Variants in SMIM22 observed in about 807,000 individuals in gnomAD.
The protein encoded by SMIM22 is cancer associated small integral membrane open reading frame 1.
A neutral mutation model predicts 8.4 loss-of-function variants in SMIM22; 16 were observed. That is an observed-to-expected ratio of 1.90 (90% CI 1.29 to 2.89). The LOEUF is 2.89. SMIM22 is among the 30% of genes most tolerant of loss of function. The probability of loss-of-function intolerance (pLI) is 0.00; values close to 1 mark genes in which losing one functional copy is unlikely to be tolerated. For synonymous variants in SMIM22, 67 were observed against 47.6 expected (o/e 1.41, Z -1.68); for missense variants, 159 against 107.5 (o/e 1.48, Z -2.12).
At chr16:4,794,831 T>C (rs1042907215), upstream of SMIM22, 1 of 152,280 alleles carries the variant, frequency 6.6e-6, no homozygotes, top group East Asian at 1.9e-4. Context: ...AGTGGTGGGA[T>C]TACAGGTGTG....
At position 4,795,839 on chromosome 16, in the gene SMIM22, T is replaced by C. The variant is rs1239149786; in HGVS notation, c.105T>C (p.Ile35=). The C allele has an allele frequency of 2.6e-6, 4 of 1,535,876 alleles. No individual in the cohort carries two copies. The South Asian group carries it at 4.8e-5, about 18-fold the overall frequency. ...CCACATGGGACACTGTTGCCTTCATTGTTTTCCTCACCTTCATGGGTAAGT... is the reference window on the plus strand; with the variant it reads ...CCACATGGGACACTGTTGCCTTCATCGTTTTCCTCACCTTCATGGGTAAGT... The part of the protein sequence containing the change: ...FQSTWDTVAF[I]VFLTFMGTVL... Residue 35 remains isoleucine (I), a synonymous_variant, in exon 2 of 4, where the codon ATT becomes ATC. Transcript: ENST00000586005.
Position 4,795,482 on chromosome 16 carries a change from G to T in SMIM22, c.-21+33G>T, listed in dbSNP as rs1310579857. 7 of 539,288 alleles carry T rather than the reference G, an allele frequency of 1.3e-5. 1 individual carries two copies. The highest frequency in any genetic ancestry group is 2.3e-5 in the Non-Finnish European group (7 of 308,260). 33.4% of individuals were successfully genotyped at this position (539,288 alleles called of 1,614,324 possible). A position where few individuals can be genotyped will look rare whatever the true frequency, so the allele number is the denominator to read the frequency against. On this transcript the variant is annotated intron_variant, in intron 1 of 3. Coordinates refer to ENST00000586005, the MANE Select transcript of SMIM22 (RefSeq NM_001253794.2). ...GGGGCCTGGGGGCTGGGCTGCCAGG[G>T]GGAGAGAGAGGGGAGATGACAGTGG...
Position 4,795,424 on chromosome 16 carries a change from T to G in SMIM22, c.-46T>G. On this transcript the variant is annotated 5_prime_UTR_variant, in exon 1 of 4. Coordinates refer to ENST00000586005, the MANE Select transcript of SMIM22 (RefSeq NM_001253794.2). ...CCTGTGCTCCCCAGGACCTGCCTGG[T>G]TGGGGGAATTGGAGGCTTCTAGGAG... 42 of 339,998 alleles carry G rather than the reference T, an allele frequency of 1.2e-4. No homozygotes were observed. The highest frequency in any genetic ancestry group is 4.2e-4 in the East Asian group (6 of 14,308). The allele number at this position is 339,998 out of a possible 1,614,324, so 21.1% of individuals were successfully genotyped here.
upstream of SMIM22, among the ~76,000 whole-genome samples, chr16:4,794,077 A>G (rs1333551996): frequency 6.6e-6 from 1 of 151,286 alleles, no homozygotes; most frequent in Admixed American, 6.6e-5. Context: ...CTGGGATTAC[A>G]GGTGCCCGCC....
chr16:4,794,336 T>C (rs2082599190), upstream of SMIM22, among the ~76,000 whole-genome samples: 1 of 151,942 alleles, frequency 6.6e-6, no homozygotes, highest in Non-Finnish European at 1.5e-5. Context: ...CTTGATCTCC[T>C]GACCTTGTGA....
At chr16:4,794,358 C>T (rs1021362235), upstream of SMIM22, among the ~76,000 whole-genome samples, 9 of 152,002 alleles carry the variant, frequency 5.9e-5, no homozygotes, top group Admixed American at 3.9e-4. Flanking sequence ...CCGCCTGCCT[C>T]GGCCTCCCAA....
rs927012777 is a variant in SMIM22 at position 4,795,383 on chromosome 16, C to T, written c.-87C>T. The T allele has an allele frequency of 3.1e-5, 8 of 260,806 alleles. No individual in the cohort carries two copies. The highest frequency in any genetic ancestry group is 9.2e-5 in the African/African-American group (4 of 43,704). 16.2% of individuals were successfully genotyped at this position (260,806 alleles called of 1,614,324 possible). A position where few individuals can be genotyped will look rare whatever the true frequency, so the allele number is the denominator to read the frequency against. On this transcript the variant is annotated 5_prime_UTR_variant, in exon 1 of 4. Transcript: ENST00000586005. ...GCCAAGGCCTCAGGTGGTGTGGAGC[C>T]GGAAGCAGGAAGCAGCCTGTGCTCC...
Position 4,796,172 on chromosome 16 carries a change from G to C in SMIM22, c.226-18G>C. 6.5e-7 allele frequency: 1 copy of C among 1,535,992 alleles called. No homozygotes were observed. Among genetic ancestry groups the C allele is most frequent in the East Asian group, 2.4e-5 (1 of 40,916 alleles). On this transcript the variant is annotated intron_variant, in intron 3 of 3. Transcript: ENST00000586005. Reference sequence around the variant, plus strand: ...ACAACGAGCGAACCTGCTTGGTCCCGCTGTGCTTCTCGTGCAGGAAAGACC... The same window carrying C: ...ACAACGAGCGAACCTGCTTGGTCCCCCTGTGCTTCTCGTGCAGGAAAGACC...
At chr16:4,794,072 A>AT (rs1234949429), upstream of SMIM22, among the ~76,000 whole-genome samples, 2 of 151,682 alleles carry the variant, frequency 1.3e-5, no homozygotes, top group African/African-American at 4.9e-5. Flanking sequence ...AGTAGCTGGG[A>AT]TTACAGGTGC....
At chr16:4,794,592 G>T (rs2082603377), upstream of SMIM22, among the ~76,000 whole-genome samples, 1 of 151,796 alleles carries the variant, frequency 6.6e-6, no homozygotes, top group South Asian at 2.1e-4. Flanking sequence ...GGCTAATTTT[G>T]TATTTTTAGT....
upstream of SMIM22, among the ~76,000 whole-genome samples, chr16:4,790,974 C>T (rs1005106717): frequency 3.3e-5 from 5 of 152,156 alleles, no homozygotes; most frequent in African/African-American, 1.2e-4. Flanking sequence ...AGCACGGGGG[C>T]CTCTCCCATA....
chr16:4,792,388 C>T (rs1273292053), upstream of SMIM22, among the ~76,000 whole-genome samples: 1 of 149,622 alleles, frequency 6.7e-6, no homozygotes, highest in East Asian at 2.1e-4. Flanking sequence ...GACGGGGTTT[C>T]ACCGTGTTAG....
At chr16:4,790,589 A>C (rs1450024885), upstream of SMIM22, among the ~76,000 whole-genome samples, 1 of 152,160 alleles carries the variant, frequency 6.6e-6, no homozygotes, top group East Asian at 1.9e-4. Context: ...CCGGTTTGAG[A>C]CCAGCCTGGC....
rs908483920 is a variant in SMIM22 at position 4,796,184 on chromosome 16, G to T, written c.226-6G>T. The stretch of plus-strand genomic sequence containing the variant: ...CCTGCTTGGTCCCGCTGTGCTTCTC[G>T]TGCAGGAAAGACCCAAGGGAGTGGA... On this transcript the variant is annotated splice_region_variant and splice_polypyrimidine_tract_variant and intron_variant, in intron 3 of 3. Transcript: ENST00000586005. 2 of 1,535,856 alleles carry T rather than the reference G, an allele frequency of 1.3e-6. No homozygotes were observed. The highest frequency in any genetic ancestry group is 1.7e-6 in the Non-Finnish European group (2 of 1,146,876).
upstream of SMIM22, among the ~76,000 whole-genome samples, chr16:4,794,493 TCAC>T (rs2082601863): frequency 1.3e-5 from 2 of 151,612 alleles, no homozygotes; most frequent in African/African-American, 4.8e-5. Flanking sequence ...TGATCTCGGC[TCAC>T]CACAACCTCT....
intron 2 of SMIM22, chr16:4,789,904 CT>C (rs2082524551): frequency 4.8e-5 from 7 of 146,336 alleles, no homozygotes; most frequent in Non-Finnish European, 1.0e-4. Flanking sequence ...TTTCTCCTTT[CT>C]TTTCTTTCTT....
At position 4,796,013 on chromosome 16, in the gene SMIM22, C is replaced by G. The variant is rs769613371; in HGVS notation, c.190C>G (p.Arg64Gly). 16 of 1,516,124 alleles carry G rather than the reference C, an allele frequency of 1.1e-5. No homozygotes were observed. In the South Asian group the frequency reaches 1.7e-4, roughly 16 times the overall value. The allele number at this position is 1,516,124 out of a possible 1,614,324, so 93.9% of individuals were successfully genotyped here. Residue 64 changes from arginine (R) to glycine (G), a missense_variant, in exon 3 of 4, where the codon CGC (arginine) becomes GGC (glycine). Arg to Gly is a moderately radical substitution (Grantham distance 125). Transcript: ENST00000586005. ...HCCCCSSPGP[R>G]RESPRKVSPW... ...CTGCTGCTGCAGCTCCCCCGGGCCC[C>G]GCAGGGAAAGCCCCAGGAAGGTGAG... is the stretch of plus-strand genomic sequence containing the variant.
At chr16:4,789,738 C>T (rs188692664) in intron 2 of SMIM22, among the ~76,000 whole-genome samples, 19 of 152,002 alleles carry the variant, frequency 1.2e-4, no homozygotes, top group Admixed American at 1.1e-3. Context: ...AGATTACAGA[C>T]GTGAACCACC....
rs1273077904 is a variant in SMIM22 at position 4,795,439 on chromosome 16, G to A, written c.-31G>A. ...ACCTGCCTGGTTGGGGGAATTGGAG[G>A]CTTCTAGGAGGTAGGTGGGGGCCTG... On this transcript the variant is annotated 5_prime_UTR_variant, in exon 1 of 4. Coordinates refer to ENST00000586005, the MANE Select transcript of SMIM22 (RefSeq NM_001253794.2). 8 of 415,542 alleles carry A rather than the reference G, an allele frequency of 1.9e-5. No individual in the cohort carries two copies. In the East Asian group the frequency reaches 4.0e-4, roughly 21 times the overall value. 25.7% of individuals were successfully genotyped at this position (415,542 alleles called of 1,614,324 possible).
Sources: gnomAD v4.1 joint callset for allele counts (sites outside exome capture counted in the v4.1 genomes callset) on GRCh38, gnomAD v4.1.1 for gene constraint, MANE v1.5 for transcripts, NCBI Gene and HGNC (gene_info 2026-07-23, HGNC 2026-07-21) for gene names.